Variants in DDC observed in about 807,000 individuals in gnomAD.
DDC encodes the protein dopa decarboxylase, also known as aromatic-L-amino-acid decarboxylase.
In DDC, 43 loss-of-function variants were observed where a neutral mutation model predicts 60.0. That is an observed-to-expected ratio of 0.72 (90% confidence interval 0.56 to 0.92). The LOEUF is 0.92. DDC is among the 40% of genes least tolerant of loss of function. The pLI, the probability that DDC is intolerant of heterozygous loss-of-function variation, is 0.00. For synonymous variants in DDC, 232 were observed against 234.6 expected (o/e 0.99, Z 0.10); for missense variants, 573 against 620.2 (o/e 0.92, Z 0.81).
chr7:50,467,279 G>A lies in DDC; in HGVS notation c.1177C>T (p.Arg393Cys), dbSNP rs375309190. 29 of 1,614,060 alleles carry A rather than the reference G, an allele frequency of 1.8e-5. No individual in the cohort carries two copies. The highest frequency in any genetic ancestry group is 2.2e-5 in the Non-Finnish European group (26 of 1,180,004). The change falls in exon 13 of 15, where the codon CGC (arginine) becomes TGC (cysteine). Residue 393 changes from arginine (R) to cysteine (C), a missense_variant. Arg to Cys is a radical substitution (Grantham distance 180). Coordinates refer to ENST00000444124, the MANE Select transcript of DDC (RefSeq NM_001082971.2). ...CAGATTTCAAAGCGGGGATCCTGGC[G>A]CACCAGTGACTCAAACTCATGGGAC... ...QLSHEFESLV[R>C]QDPRFEICVE...
intron 1 of DDC, among the ~76,000 whole-genome samples, chr7:50,558,988 A>G (rs2045270288): frequency 6.6e-6 from 1 of 152,210 alleles, no homozygotes; most frequent in Admixed American, 6.5e-5. Flanking sequence ...CAGAGGCTCA[A>G]CAAACTCTGC....
chr7:50,480,685 T>C (rs2042748598), intron 9 of DDC, among the ~76,000 whole-genome samples: 1 of 152,132 alleles, frequency 6.6e-6, no homozygotes, highest in Admixed American at 6.5e-5. Context: ...AGTTGGAGAA[T>C]TGGTGTCAAG....
intron 12 of DDC, among the ~76,000 whole-genome samples, chr7:50,469,562 TGACCATCTTCCTG>T (rs1208449147): frequency 6.6e-6 from 1 of 152,248 alleles, no homozygotes; most frequent in Non-Finnish European, 1.5e-5. Flanking sequence ...GTTTCTACTG[TGACCATCTTCCTG>T]GACCTGATAA....
intron 2 of DDC, among the ~76,000 whole-genome samples, chr7:50,543,677 C>A (rs2044709045): frequency 6.6e-6 from 1 of 152,192 alleles, no homozygotes. Context: ...ATCCTGACTT[C>A]ATCGTGTACT....
chr7:50,543,601 T>C (rs761182570), intron 2 of DDC: 8 of 462,734 alleles, frequency 1.7e-5, no homozygotes, highest in Non-Finnish European at 3.2e-5. Context: ...CGAGTGTCTC[T>C]GGGCAGGGAC....
chr7:50,528,173 C>G lies in DDC; in HGVS notation c.678G>C (p.Leu226=). The G allele has an allele frequency of 3.1e-6, 5 of 1,613,726 alleles. No homozygotes were observed. Among genetic ancestry groups the G allele is most frequent in the Non-Finnish European group, 4.2e-6 (5 of 1,180,040 alleles). ...TCAGGCCAGCCGCTTTGTCTCTCTC[C>G]AGGGCTTCCTGCAGGGCAGACGCAC... ...AMRASALQEA[L]ERDKAAGLIP... Residue 226 remains leucine (L), a synonymous_variant, in exon 6 of 15, where the codon CTG becomes CTC. Coordinates refer to ENST00000444124, the MANE Select transcript of DDC (RefSeq NM_001082971.2).
rs753043261 is a variant in DDC, at chr7:50,467,295, C to T, written c.1161G>A (p.Glu387=). 5 of 1,614,182 alleles carry T rather than the reference C, an allele frequency of 3.1e-6. No homozygotes were observed. The highest frequency in any genetic ancestry group is 2.2e-5 in the South Asian group (2 of 91,088). Residue 387 remains glutamate (E), a synonymous_variant, in exon 13 of 15, where the codon GAG becomes GAA. Coordinates refer to ENST00000444124, the MANE Select transcript of DDC (RefSeq NM_001082971.2). ...GATCCTGGCGCACCAGTGACTCAAA[C>T]TCATGGGACAGCTGGACATGCTTCA... ...YIRKHVQLSH[E]FESLVRQDPR... is the part of the protein sequence containing the mutation.
chr7:50,470,442 G>T (rs543650936), intron 11 of DDC, among the ~76,000 whole-genome samples: 1 of 152,354 alleles, frequency 6.6e-6, no homozygotes, highest in African/African-American at 2.4e-5. Flanking sequence ...GGTGTTTGCG[G>T]CATGCACAGC....
chr7:50,551,223 G>A (rs778940185), intron 1 of DDC, among the ~76,000 whole-genome samples: 1 of 143,668 alleles, frequency 7.0e-6, no homozygotes, highest in Non-Finnish European at 1.5e-5. Context: ...TAATGATTCC[G>A]TTGTACTTTT....
At chr7:50,475,496 C>T (rs2042621877) in intron 11 of DDC, among the ~76,000 whole-genome samples, 1 of 152,098 alleles carries the variant, frequency 6.6e-6, no homozygotes, top group Non-Finnish European at 1.5e-5. Flanking sequence ...TACTGCTGCC[C>T]CCCTGCCTCC....
intron 6 of DDC, among the ~76,000 whole-genome samples, chr7:50,518,071 C>T (rs1438768868): frequency 2.6e-5 from 4 of 151,714 alleles, no homozygotes; most frequent in Non-Finnish European, 5.9e-5. Flanking sequence ...ATTAGCCAGG[C>T]GTGGTGGCAA....
chr7:50,486,404 G>A (rs1344828126), intron 9 of DDC, among the ~76,000 whole-genome samples: 1 of 152,196 alleles, frequency 6.6e-6, no homozygotes, highest in African/African-American at 2.4e-5. Flanking sequence ...GGAAAAAACA[G>A]GGATGTGGGT....
At chr7:50,509,158 C>T (rs1230277467) in intron 6 of DDC, among the ~76,000 whole-genome samples, 1 of 151,976 alleles carries the variant, frequency 6.6e-6, no homozygotes, top group African/African-American at 2.4e-5. Flanking sequence ...CATGGCTCGC[C>T]ACACACCTCC....
intron 1 of DDC, among the ~76,000 whole-genome samples, chr7:50,544,920 A>G (rs2044751485): frequency 6.6e-6 from 1 of 152,224 alleles, no homozygotes. Context: ...ATATTGATTC[A>G]TTAACATTGG....
chr7:50,560,581 C>T (rs917739882), intron 1 of DDC, among the ~76,000 whole-genome samples: 1 of 152,144 alleles, frequency 6.6e-6, no homozygotes, highest in Non-Finnish European at 1.5e-5. Context: ...GAATGCAAAC[C>T]TGAGTCTGTG....
chr7:50,473,895 G>T (rs542370014), intron 11 of DDC, among the ~76,000 whole-genome samples: 1 of 152,352 alleles, frequency 6.6e-6, no homozygotes, highest in South Asian at 2.1e-4. Flanking sequence ...CAGGGCCTGC[G>T]TGGTCTGCGC....
At chr7:50,559,172 G>T (rs755815600) in intron 1 of DDC, among the ~76,000 whole-genome samples, 3 of 152,194 alleles carry the variant, frequency 2.0e-5, no homozygotes, top group Non-Finnish European at 2.9e-5. Flanking sequence ...ATGCGAAGAG[G>T]CTGAGGGAAG....
chr7:50,462,961 G>A (rs578168265), intron 14 of DDC, among the ~76,000 whole-genome samples: 4 of 151,998 alleles, frequency 2.6e-5, no homozygotes, highest in Non-Finnish European at 5.9e-5. Context: ...GTAGAGACAG[G>A]GTTTCACCAC....
intron 3 of DDC, among the ~76,000 whole-genome samples, chr7:50,538,433 G>C (rs2044493214): frequency 6.6e-6 from 1 of 152,162 alleles, no homozygotes; most frequent in Non-Finnish European, 1.5e-5. Context: ...GGCTGGTCTT[G>C]AGCCCCATCC....
Sources: allele counts gnomAD v4.1 joint callset (sites outside exome capture counted in the v4.1 genomes callset), GRCh38; gene constraint gnomAD v4.1.1; transcripts MANE v1.5; gene names NCBI Gene and HGNC (gene_info 2026-07-23, HGNC 2026-07-21).